Variants in TRPC7 observed in about 807,000 individuals in gnomAD.
The protein encoded by TRPC7 is short transient receptor potential channel 7.
In TRPC7, 42 loss-of-function variants were observed where a neutral mutation model predicts 90.1. That is an observed-to-expected ratio of 0.47 (90% CI 0.36 to 0.60). The LOEUF (loss-of-function observed/expected upper bound fraction) is 0.60, where lower values mean the gene tolerates loss of function less well. Ranked by LOEUF, TRPC7 falls within the 20% of genes least tolerant of loss-of-function variation. The pLI, the probability that TRPC7 is intolerant of heterozygous loss-of-function variation, is 0.00. For missense variants in TRPC7, 955 were observed against 1,112.3 expected, an observed-to-expected ratio of 0.86 and a Z score of 2.01; for synonymous variants, 451 against 436.3, an observed-to-expected ratio of 1.03 and a Z score of -0.42.
chr5:136,274,757 G>C lies in TRPC7; in HGVS notation c.1044C>G (p.Ile348Met), dbSNP rs1158689905. 1.9e-6 allele frequency: 3 copies of C among 1,610,268 alleles called. No homozygotes were observed. In the East Asian group the frequency reaches 6.7e-5, roughly 36 times the overall value. The change falls in exon 4 of 12, where the codon ATC becomes ATG. Residue 348 changes from isoleucine to methionine, a missense_variant. Ile to Met is a conservative substitution (Grantham distance 10, BLOSUM62 1). This residue lies in a region of TRPC7 where 484 missense variants were observed against 509.6 expected (regional missense o/e 0.95). Coordinates refer to ENST00000513104, the MANE Select transcript of TRPC7 (RefSeq NM_020389.3). ...ENLSGLRQQS[I>M]AVKFLAVFGV... is the part of the protein sequence containing the mutation. ...CAAAGACAGCCAGGAATTTCACAGC[G>C]ATAGACTGTTGACGTAAGCCTGAGA...
At chr5:136,273,871 T>G (rs755514165) in intron 4 of TRPC7, among the ~76,000 whole-genome samples, 1 of 152,240 alleles carries the variant, frequency 6.6e-6, no homozygotes, top group African/African-American at 2.4e-5. Flanking sequence ...GCACTGACTC[T>G]TCCCCGAAGC....
intron 4 of TRPC7, 86 bp from the exon 5 acceptor site, chr5:136,266,522 T>C: frequency 8.4e-7 from 1 of 1,197,008 alleles, no homozygotes; most frequent in Non-Finnish European, 1.2e-6. Context: ...CACCAAAGTT[T>C]AACCAGAGAA....
chr5:136,314,385 T>C (rs755830766), intron 3 of TRPC7: 3 of 152,184 alleles, frequency 2.0e-5, no homozygotes, highest in Admixed American at 6.5e-5. Context: ...AGGTGAGTTT[T>C]CCTGAGCTGA....
At chr5:136,318,096 C>G (rs1002045367) in intron 2 of TRPC7, among the ~76,000 whole-genome samples, 3 of 152,126 alleles carry the variant, frequency 2.0e-5, no homozygotes, top group Non-Finnish European at 4.4e-5. Context: ...GAACCCAGGC[C>G]TGCGAGGAAG....
chr5:136,365,228 T>A, intron 1 of TRPC7, 25 bp downstream of exon 1: 1 of 1,536,788 alleles, frequency 6.5e-7, no homozygotes, highest in Non-Finnish European at 8.7e-7. Context: ...AAAATCAATA[T>A]GAAAGAACCA....
chr5:136,284,353 G>C (rs975355736), intron 3 of TRPC7, among the ~76,000 whole-genome samples: 1 of 152,158 alleles, frequency 6.6e-6, no homozygotes, highest in Non-Finnish European at 1.5e-5. Context: ...TTCTTAATGG[G>C]CTGGGTCAAT....
Position 136,282,961 on chromosome 5 carries a change from C to A in TRPC7, c.964-8124G>T, listed in dbSNP as rs147567104. 1.8e-4 allele frequency among the ~76,000 whole-genome samples: 27 copies of A among 151,952 alleles called. 1 individual carries two copies. The highest frequency in any genetic ancestry group is 1.7e-3 in the Admixed American group (26 of 15,248). On this transcript the variant is annotated intron_variant, in intron 3 of 11. Coordinates refer to ENST00000513104, the MANE Select transcript of TRPC7 (RefSeq NM_020389.3). ...TGGTTCTGAGTCTTTCCAGGCTGGA[C>A]GACAGGGGATTGTTTCATGATAGCC...
chr5:136,224,396 C>A (rs1039933962), intron 10 of TRPC7, among the ~76,000 whole-genome samples: 1 of 152,162 alleles, frequency 6.6e-6, no homozygotes, highest in Non-Finnish European at 1.5e-5. Flanking sequence ...ATTTTTCTGA[C>A]AACAGACTTG....
chr5:136,257,827 GTTGCT>G (rs938850516), intron 5 of TRPC7, among the ~76,000 whole-genome samples: 10 of 152,290 alleles, frequency 6.6e-5, no homozygotes, highest in African/African-American at 2.4e-4. Flanking sequence ...AATAGTGTTT[GTTGCT>G]TTCCTCTACC....
chr5:136,284,292 T>G (rs1299655623), intron 3 of TRPC7, among the ~76,000 whole-genome samples: 1 of 152,246 alleles, frequency 6.6e-6, no homozygotes, highest in Non-Finnish European at 1.5e-5. Context: ...CACACCATGA[T>G]ATGTGTGTAT....
At chr5:136,315,493 T>C (rs1052458901) in intron 3 of TRPC7, 104 bp downstream of exon 3, 3 of 1,245,660 alleles carry the variant, frequency 2.4e-6, no homozygotes, top group Non-Finnish European at 3.4e-6. Flanking sequence ...GGTGTCATCA[T>C]GGTCACCCTG....
intron 7 of TRPC7, among the ~76,000 whole-genome samples, chr5:136,237,176 CA>C (rs1205677290): frequency 2.0e-5 from 3 of 152,280 alleles, no homozygotes; most frequent in Non-Finnish European, 4.4e-5. Flanking sequence ...CTTGGCCCTG[CA>C]AAGTTCTGTC....
intron 8 of TRPC7, 37 bp downstream of exon 8, chr5:136,231,317 T>G (rs767458952): frequency 1.5e-5 from 23 of 1,534,470 alleles, no homozygotes; most frequent in Non-Finnish European, 1.9e-5. Flanking sequence ...GTAAATTAGA[T>G]GAAGGAGAGC....
rs150246403 is a variant in TRPC7, at chr5:136,302,355, T to A, written c.963+13242A>T. 5.1e-3 allele frequency among the ~76,000 whole-genome samples: 772 copies of A among 152,214 alleles called. 5 individuals are homozygous for A. Among genetic ancestry groups the A allele is most frequent in the African/African-American group, 0.018 (734 of 41,534 alleles). The stretch of plus-strand genomic sequence containing the variant: ...CTTCACCCTTAGGGGCAAGTCCCGC[T>A]TTTCTGGGGGAGGGGCAAGTATCCC... On this transcript the variant is annotated intron_variant, in intron 3 of 11. Transcript: ENST00000513104.
At position 136,309,199 on chromosome 5, in the gene TRPC7, A is replaced by G. The variant is rs1271608188; in HGVS notation, c.963+6398T>C. Among the ~76,000 whole-genome samples, 6 of 152,326 alleles carry G rather than the reference A, an allele frequency of 3.9e-5. No homozygotes were observed. The East Asian group carries it at 9.7e-4, about 25-fold the overall frequency. On this transcript the variant is annotated intron_variant, in intron 3 of 11. Coordinates refer to ENST00000513104, the MANE Select transcript of TRPC7 (RefSeq NM_020389.3). ...TGTGTGCTCCCAGCCCATGTCTATG[A>G]AAGAATCTTGAAGTTGATGGCAGGG...
intron 2 of TRPC7, among the ~76,000 whole-genome samples, chr5:136,317,854 C>T (rs1390765265): frequency 6.6e-6 from 1 of 152,194 alleles, no homozygotes; most frequent in East Asian, 1.9e-4. Context: ...GCTAGTCAGG[C>T]TGTATTGCCC....
intron 2 of TRPC7, among the ~76,000 whole-genome samples, chr5:136,337,940 C>A (rs769559012): frequency 6.6e-6 from 1 of 152,148 alleles, no homozygotes; most frequent in Admixed American, 6.5e-5. Flanking sequence ...AGAAGGCTGG[C>A]AGCTGCATGC....
At chr5:136,338,847 A>C (rs1759750701) in intron 2 of TRPC7, among the ~76,000 whole-genome samples, 1 of 152,174 alleles carries the variant, frequency 6.6e-6, no homozygotes, top group East Asian at 1.9e-4. Context: ...AGAAAACAAC[A>C]ACCATGAATT....
At chr5:136,298,209 C>A (rs1047474575) in intron 3 of TRPC7, among the ~76,000 whole-genome samples, 2 of 152,138 alleles carry the variant, frequency 1.3e-5, no homozygotes, top group African/African-American at 4.8e-5. Flanking sequence ...CTCTGAGAAG[C>A]AGTCTATGGA....
Sources: allele counts gnomAD v4.1 joint callset (sites outside exome capture counted in the v4.1 genomes callset), GRCh38; gene constraint gnomAD v4.1.1; regional missense constraint gnomAD v4.1.1; transcripts MANE v1.5; gene names NCBI Gene and HGNC (gene_info 2026-07-23, HGNC 2026-07-21).